Variants in DEGS2 observed in about 807,000 individuals in gnomAD.
DEGS2 encodes the protein sphingolipid delta(4)-desaturase/C4-monooxygenase DES2.
Under a neutral mutation model 23.8 loss-of-function variants are expected in DEGS2, and 19 were observed. The observed-to-expected ratio is 0.80, with a 90% CI of 0.56 to 1.17. The LOEUF (loss-of-function observed/expected upper bound fraction) is 1.17. DEGS2 is among the 50% of genes most tolerant of loss of function. The pLI is 0.00. For missense variants in DEGS2, 390 were observed against 459.5 expected, an observed-to-expected ratio of 0.85 and a Z score of 1.38; for synonymous variants, 218 against 213.7, an observed-to-expected ratio of 1.02 and a Z score of -0.18.
At chr14:100,152,772 C>T (rs1247052468) in intron 1 of DEGS2, among the ~76,000 whole-genome samples, 3 of 152,106 alleles carry the variant, frequency 2.0e-5, no homozygotes, top group East Asian at 1.9e-4. Flanking sequence ...GACTGAACCA[C>T]GCTACCCCTA....
the DEGS2 span, among the ~76,000 whole-genome samples, chr14:100,165,662 G>C: frequency 6.6e-6 from 1 of 152,134 alleles, no homozygotes; most frequent in Non-Finnish European, 1.5e-5. Flanking sequence ...TCAGGACCTG[G>C]GTCCTCTGAG....
At chr14:100,153,293 A>AGATAGATAGATAGATAGAT (rs1555365195) in intron 1 of DEGS2, among the ~76,000 whole-genome samples, 2 of 126,006 alleles carry the variant, frequency 1.6e-5, no homozygotes, top group East Asian at 6.9e-4. Flanking sequence ...ATAGATAGAT[A>AGATAGATAGATAGATAGAT]GATAGATAGA....
upstream of DEGS2, among the ~76,000 whole-genome samples, chr14:100,164,573 G>A (rs1209363708): frequency 6.6e-6 from 1 of 152,140 alleles, no homozygotes; most frequent in Non-Finnish European, 1.5e-5. Context: ...GGAGGCAGGG[G>A]TTGCAGTGAG....
At position 100,145,260 on chromosome 14, in the gene DEGS2, C is replaced by G. The variant is rs1234468227; in HGVS notation, c.*1501G>C. 1 of 152,310 alleles carries G rather than the reference C, an allele frequency of 6.6e-6. No homozygotes were observed. Among genetic ancestry groups the G allele is most frequent in the Non-Finnish European group, 1.5e-5 (1 of 68,098 alleles). 9.4% of individuals were successfully genotyped at this position (152,310 alleles called of 1,614,324 possible). ...AAGTGTGCTGAACGAGGCACCCCCT[C>G]AGGCACAGCAGGAGGAGCGGGTGCT... On this transcript the variant is annotated 3_prime_UTR_variant, in exon 3 of 3. Transcript: ENST00000305631.
chr14:100,153,564 T>A (rs1195963740), intron 1 of DEGS2, among the ~76,000 whole-genome samples: 1 of 152,150 alleles, frequency 6.6e-6, no homozygotes, highest in Non-Finnish European at 1.5e-5. Context: ...CTGCATGGGC[T>A]CTGGCTAGAC....
chr14:100,166,328 TGTGGGGGAGC>T, the DEGS2 span, among the ~76,000 whole-genome samples: 1 of 20,512 alleles, frequency 4.9e-5, no homozygotes, highest in African/African-American at 3.4e-4. Context: ...TGCCCGGGGC[TGTGGGGGAGC>T]CTGCCCGGGG....
intron 2 of DEGS2, 101 bp downstream of exon 2, chr14:100,148,867 A>G (rs1051674281): frequency 7.4e-7 from 1 of 1,356,650 alleles, no homozygotes; most frequent in Non-Finnish European, 1.0e-6. Context: ...ACAAAAAGGG[A>G]GAGGCTGCTG....
intron 1 of DEGS2, among the ~76,000 whole-genome samples, chr14:100,150,015 T>C (rs530244639): frequency 6.6e-6 from 1 of 152,344 alleles, no homozygotes; most frequent in Non-Finnish European, 1.5e-5. Context: ...CCAGCAGGTC[T>C]GGGCCAGCGA....
At chr14:100,166,319 G>GT in the DEGS2 span, among the ~76,000 whole-genome samples, 5 of 36,078 alleles carry the variant, frequency 1.4e-4, no homozygotes, top group Non-Finnish European at 2.4e-4. Flanking sequence ...GGGGGAGCCT[G>GT]CCCGGGGCTG....
chr14:100,146,940 T>C, intron 2 of DEGS2, 33 bp from the exon 3 acceptor site: 1 of 1,600,306 alleles, frequency 6.2e-7, no homozygotes, highest in Non-Finnish European at 8.5e-7. Context: ...CAGGGGCTGG[T>C]TCTCCTCGGG....
chr14:100,156,452 G>T (rs975415810), intron 1 of DEGS2, among the ~76,000 whole-genome samples: 4 of 152,230 alleles, frequency 2.6e-5, no homozygotes, highest in African/African-American at 9.6e-5. Context: ...TCGAGTCCTG[G>T]AATAAGCACT....
chr14:100,164,070 G>A (rs1889779442), upstream of DEGS2, among the ~76,000 whole-genome samples: 1 of 152,058 alleles, frequency 6.6e-6, no homozygotes, highest in Admixed American at 6.5e-5. Flanking sequence ...ACAAAAATTA[G>A]CCAGGTGTGG....
At chr14:100,164,572 G>A (rs34791436), upstream of DEGS2, among the ~76,000 whole-genome samples, 40,133 of 151,994 alleles carry the variant, frequency 0.26, 5,746 homozygotes, top group South Asian at 0.39. Context: ...GGGAGGCAGG[G>A]GTTGCAGTGA....
chr14:100,153,626 G>T (rs1889611676), intron 1 of DEGS2, among the ~76,000 whole-genome samples: 1 of 152,260 alleles, frequency 6.6e-6, no homozygotes, highest in South Asian at 2.1e-4. Flanking sequence ...GCACTCAGCT[G>T]ACCTCAGGTG....
At chr14:100,156,418 C>A (rs745365958) in intron 1 of DEGS2, among the ~76,000 whole-genome samples, 2 of 152,244 alleles carry the variant, frequency 1.3e-5, no homozygotes, top group Non-Finnish European at 2.9e-5. Context: ...AGACATTAAT[C>A]ATTATCATCG....
intron 2 of DEGS2, among the ~76,000 whole-genome samples, chr14:100,148,337 C>T (rs1231908655): frequency 6.6e-6 from 1 of 152,230 alleles, no homozygotes; most frequent in Non-Finnish European, 1.5e-5. Flanking sequence ...GCCACCTCCT[C>T]CCGCCCCCTT....
rs761538418 is a variant in DEGS2 at position 100,148,935 on chromosome 14, C to T, written c.825+33G>A. The T allele has an allele frequency of 3.1e-6, 5 of 1,597,540 alleles. No individual in the cohort carries two copies. The Admixed American group carries it at 8.5e-5, about 27-fold the overall frequency. ...CTCCTCCGATGGCTGTGCAGCCCTGCCCCGCCGCAGCCCTGCCAGCCCAGC... is the reference window on the plus strand; with the variant it reads ...CTCCTCCGATGGCTGTGCAGCCCTGTCCCGCCGCAGCCCTGCCAGCCCAGC... On this transcript the variant is annotated intron_variant, in intron 2 of 2. Transcript: ENST00000305631.
chr14:100,148,979 T>C lies in DEGS2; in HGVS notation c.814A>G (p.Asn272Asp). ...HHDFPSIPGYNLPLVRKIAPE... is the reference protein window; with the variant it reads ...HHDFPSIPGYDLPLVRKIAPE... Reference sequence around the variant, plus strand: ...GCCCAGCCACATACCAGCGGCAGGTTGTAGCCCGGGATGCTGGGGAAGTCG... The same window carrying C: ...GCCCAGCCACATACCAGCGGCAGGTCGTAGCCCGGGATGCTGGGGAAGTCG... The change falls in exon 2 of 3, where the codon AAC becomes GAC. Residue 272 changes from asparagine (N) to aspartate (D), a missense_variant. Coordinates refer to ENST00000305631, the MANE Select transcript of DEGS2 (RefSeq NM_206918.3). 1 of 1,612,028 alleles carries C rather than the reference T, an allele frequency of 6.2e-7. No individual in the cohort carries two copies. The highest frequency in any genetic ancestry group is 8.5e-7 in the Non-Finnish European group (1 of 1,179,370).
chr14:100,156,846 G>A (rs970817333), intron 1 of DEGS2, among the ~76,000 whole-genome samples: 1 of 152,236 alleles, frequency 6.6e-6, no homozygotes, highest in East Asian at 1.9e-4. Flanking sequence ...GCTTGTGCCG[G>A]GGAGGGAGGG....
Sources: allele counts gnomAD v4.1 joint callset (sites outside exome capture counted in the v4.1 genomes callset), GRCh38; gene constraint gnomAD v4.1.1; transcripts MANE v1.5; gene names NCBI Gene and HGNC (gene_info 2026-07-23, HGNC 2026-07-21).